The following SCO2 variants were observed in gnomAD, a reference collection of about 807,000 sequenced individuals.
SCO2 encodes the protein synthesis of cytochrome C oxidase 2.
For synonymous variants in SCO2, 195 were observed against 148.6 expected (o/e 1.31, Z -2.27); for missense variants, 429 against 348.7 (o/e 1.23, Z -1.83).
Position 50,523,932 on chromosome 22 carries a change from C to T in SCO2, c.480G>A (p.Val160=), listed in dbSNP as rs751976293. 2.2e-5 allele frequency: 35 copies of T among 1,612,748 alleles called. 1 individual carries two copies. The South Asian group carries it at 3.2e-4, about 15-fold the overall frequency. Residue 160 remains valine (V), a synonymous_variant, in exon 2 of 2, where the codon GTG becomes GTA. Coordinates refer to ENST00000395693, the MANE Select transcript of SCO2 (RefSeq NM_005138.3). ...QLEAEPGLPP[V]QPVFITVDPE... is the part of the protein sequence containing the mutation. ...GGTCCACAGTGATGAAGACAGGCTG[C>T]ACTGGAGGCAAACCAGGCTCTGCTT...
Position 50,524,354 on chromosome 22 carries a change from G to T in SCO2, c.58C>A (p.Arg20=). 6.2e-7 allele frequency: 1 copy of T among 1,602,022 alleles called. No homozygotes were observed. Among genetic ancestry groups the T allele is most frequent in the Admixed American group, 1.7e-5 (1 of 60,012 alleles). Residue 20 remains arginine (R), a synonymous_variant, in exon 2 of 2, where the codon CGG becomes AGG. Coordinates refer to ENST00000395693, the MANE Select transcript of SCO2 (RefSeq NM_005138.3). ...CCTCCCAGGGTCCCAGGGAGGACCC[G>T]AGGCTTGAGCTGAGAGAGCCTGTGC... The part of the protein sequence containing the change: ...AWHRLSQLKP[R]VLPGTLGGQA...
rs759452074 is a variant in SCO2 at position 50,523,835 on chromosome 22, C to A, written c.577G>T (p.Gly193Cys). Residue 193 changes from glycine (G) to cysteine (C), a missense_variant, in exon 2 of 2, where the codon GGC becomes TGC. Coordinates refer to ENST00000395693, the MANE Select transcript of SCO2 (RefSeq NM_005138.3). ...DFHPRLLGLT[G>C]STKQVAQASH... is the part of the protein sequence containing the mutation. ...GCCTGGGCAACCTGTTTGGTGGAGC[C>A]GGTCAGACCCAACAGTCTTGGGTGG... 1.2e-6 allele frequency: 2 copies of A among 1,614,024 alleles called. No individual in the cohort carries two copies. Among genetic ancestry groups the A allele is most frequent in the Admixed American group, 3.3e-5 (2 of 60,024 alleles).
upstream of SCO2, chr22:50,525,706 C>G (rs1167651103): frequency 3.8e-6 from 6 of 1,572,258 alleles, no homozygotes; most frequent in African/African-American, 8.1e-5. Flanking sequence ...CGGCCCCCGC[C>G]TCCGCAGCCC....
chr22:50,523,974 C>T lies in SCO2; in HGVS notation c.438G>A (p.Gln146=), dbSNP rs918786852. Residue 146 remains glutamine, a synonymous_variant, in exon 2 of 2, where the codon CAG becomes CAA. Coordinates refer to ENST00000395693, the MANE Select transcript of SCO2 (RefSeq NM_005138.3). The stretch of plus-strand genomic sequence containing the variant: ...GCTCTGCTTCCAGCTGCCGCACCAC[C>T]TGCACCAGCTTCTCCAGCTCGTCTG... ...ICPDELEKLV[Q]VVRQLEAEPG... The T allele has an allele frequency of 1.9e-6, 3 of 1,612,794 alleles. No individual in the cohort carries two copies. The highest frequency in any genetic ancestry group is 2.7e-5 in the African/African-American group (2 of 74,920).
chr22:50,524,603 G>A (rs1265503306), intron 1 of SCO2, 179 bp from the exon 2 acceptor site: 1 of 718,100 alleles, frequency 1.4e-6, no homozygotes, highest in Non-Finnish European at 2.6e-6. Context: ...ATCCACACCT[G>A]GGCAACCACA....
Position 50,524,337 on chromosome 22 carries a change from G to C in SCO2, c.75C>G (p.Thr25=), listed in dbSNP as rs779720036. ...TCAGATGCAGGGCCTGGCCTCCCAG[G>C]GTCCCAGGGAGGACCCGAGGCTTGA... is the stretch of plus-strand genomic sequence containing the variant. The part of the protein sequence containing the change: ...SQLKPRVLPG[T]LGGQALHLRS... Residue 25 remains threonine, a synonymous_variant, in exon 2 of 2, where the codon ACC becomes ACG. Coordinates refer to ENST00000395693, the MANE Select transcript of SCO2 (RefSeq NM_005138.3). 6.2e-7 allele frequency: 1 copy of C among 1,601,850 alleles called. No individual in the cohort carries two copies. Among genetic ancestry groups the C allele is most frequent in the South Asian group, 1.1e-5 (1 of 91,078 alleles).
upstream of SCO2, chr22:50,526,225 G>C (rs756011288): frequency 1.1e-5 from 16 of 1,517,990 alleles, no homozygotes; most frequent in South Asian, 1.2e-5. Context: ...GCGGAAGGAC[G>C]GGGACTCCCC....
In SCO2 at chr22:50,524,210, C is replaced by G. The variant is rs1007416904; in HGVS notation, c.202G>C (p.Gly68Arg). ...AGCCAGGCCCCACCGAGTCCAGCCC[C>G]GAACAGGCCTGTGATCAGCAGCCGG... ...RTRLLITGLF[G>R]AGLGGAWLAL... Residue 68 changes from glycine to arginine, a missense_variant, in exon 2 of 2, where the codon GGG (glycine) becomes CGG (arginine). By Grantham distance (125) the Gly-to-Arg change is moderately radical. Transcript: ENST00000395693. The G allele has an allele frequency of 6.2e-7, 1 of 1,608,420 alleles. No homozygotes were observed. Among genetic ancestry groups the G allele is most frequent in the African/African-American group, 1.3e-5 (1 of 75,042 alleles).
At chr22:50,526,062 C>T (rs2069350775), upstream of SCO2, 4 of 1,482,748 alleles carry the variant, frequency 2.7e-6, no homozygotes, top group Non-Finnish European at 3.6e-6. Context: ...GGCGGAGCGG[C>T]TCCCCAGCGC....
At chr22:50,525,712 A>G (rs1569521912), upstream of SCO2, 25 of 1,579,744 alleles carry the variant, frequency 1.6e-5, 1 homozygote, top group East Asian at 9.3e-5. Flanking sequence ...CCGCCTCCGC[A>G]GCCCTGGATC....
At position 50,525,550 on chromosome 22, in the gene SCO2, G is replaced by A. The variant is rs1044881839; in HGVS notation, c.-92C>T. ...CCAGCTCCCTGCGCTCTGCCCCGCCGGCTCAGGGAAAGCGGGCGCCACACG... is the reference window on the plus strand; with the variant it reads ...CCAGCTCCCTGCGCTCTGCCCCGCCAGCTCAGGGAAAGCGGGCGCCACACG... On this transcript the variant is annotated 5_prime_UTR_variant, in exon 1 of 2. Transcript: ENST00000395693. The A allele has an allele frequency of 4.5e-6, 3 of 666,942 alleles. No homozygotes were observed. The highest frequency in any genetic ancestry group is 7.5e-6 in the Non-Finnish European group (3 of 400,816). The allele number at this position is 666,942 out of a possible 1,614,324, so 41.3% of individuals were successfully genotyped here.
intron 1 of SCO2, chr22:50,524,809 CG>C: frequency 2.6e-6 from 1 of 383,982 alleles, no homozygotes. Context: ...TTGCAATCCC[CG>C]AGAGCAACCG....
upstream of SCO2, chr22:50,525,764 G>A (rs781431121): frequency 3.5e-5 from 57 of 1,610,380 alleles, no homozygotes; most frequent in Admixed American, 2.3e-4. Context: ...TCGCGGCAAA[G>A]GAGCTTTATT....
At chr22:50,526,324 A>T (rs773643115), upstream of SCO2, 1 of 1,562,406 alleles carries the variant, frequency 6.4e-7, no homozygotes, top group Admixed American at 1.8e-5. Flanking sequence ...CTTCCCGAGC[A>T]CAGGGCTCGG....
chr22:50,524,512 T>C (rs1287607639), intron 1 of SCO2, 88 bp from the exon 2 acceptor site: 2 of 1,225,546 alleles, frequency 1.6e-6, no homozygotes, highest in Non-Finnish European at 2.4e-6. Context: ...CAGCCACCCA[T>C]CTGAAGGACC....
chr22:50,525,890 G>A (rs897999639), upstream of SCO2: 3 of 1,572,116 alleles, frequency 1.9e-6, no homozygotes, highest in Non-Finnish European at 1.7e-6. Flanking sequence ...GCGCGGGGCC[G>A]TCCCGGTGCA....
rs766985727 is a variant in SCO2, at chr22:50,524,143, C to A, written c.269G>T (p.Arg90Leu). 3 of 1,611,860 alleles carry A rather than the reference C, an allele frequency of 1.9e-6. No individual in the cohort carries two copies. Among genetic ancestry groups the A allele is most frequent in the Non-Finnish European group, 2.5e-6 (3 of 1,180,016 alleles). ...AGCTGCCTGGCGCAGGGCTTCTGTT[C>A]GCTTTTGCTGCTGCAGCCTCTCCTT... The part of the protein sequence containing the change: ...AEKERLQQQK[R>L]TEALRQAAVG... Residue 90 changes from arginine (R) to leucine (L), a missense_variant, in exon 2 of 2, where the codon CGA (arginine) becomes CTA (leucine). Arg to Leu is a moderately radical substitution (Grantham distance 102, BLOSUM62 -2). Transcript: ENST00000395693.
In SCO2 at chr22:50,523,864, TC is replaced by T. The variant is rs1261702551; in HGVS notation, c.547del (p.Asp183ThrfsTer9). 1 of 1,613,930 alleles carries T rather than the reference TC, an allele frequency of 6.2e-7. No individual in the cohort carries two copies. Among genetic ancestry groups the T allele is most frequent in the East Asian group, 2.2e-5 (1 of 44,878 alleles). On this transcript the variant is annotated frameshift_variant, in exon 2 of 2. Transcript: ENST00000395693. LOFTEE classifies it low-confidence loss of function (END_TRUNC). Reference sequence around the variant, plus strand: ...CAGACCCAACAGTCTTGGGTGGAAGTCCTGGACGTAGCGGGCCATGGCTTCA... The same window carrying T: ...CAGACCCAACAGTCTTGGGTGGAAGTCTGGACGTAGCGGGCCATGGCTTCA... ...DVEAMARYVQ[D>X]FHPRLLGLTG...
At chr22:50,525,188 C>T (rs558232893) in intron 1 of SCO2, among the ~76,000 whole-genome samples, 80 of 152,382 alleles carry the variant, frequency 5.2e-4, no homozygotes, top group African/African-American at 1.7e-3. Context: ...CCCGCCCGGG[C>T]GGTTCTGGGT....
Sources: allele counts gnomAD v4.1 joint callset (sites outside exome capture counted in the v4.1 genomes callset), GRCh38; gene constraint gnomAD v4.1.1; transcripts MANE v1.5; gene names NCBI Gene and HGNC (gene_info 2026-07-23, HGNC 2026-07-21).